The following RPA3 variants were observed in gnomAD, a reference collection of about 807,000 sequenced individuals.
The protein encoded by RPA3 is replication protein A 14 kDa subunit.
A neutral mutation model predicts 13.7 loss-of-function variants in RPA3; 24 were observed. The ratio of observed to expected loss-of-function variants is 1.75; its 90% CI spans 1.27 to 2.46. The LOEUF (loss-of-function observed/expected upper bound fraction) is 2.46, where lower values mean the gene tolerates loss of function less well. Among genes scored for constraint, RPA3 ranks in the 30% most tolerant of loss-of-function variants. RPA3 has a pLI of 0.00. For missense variants in RPA3, 183 were observed against 151.0 expected (o/e 1.21, Z -1.11); for synonymous variants, 59 against 51.2 (o/e 1.15, Z -0.65).
At chr7:7,659,148 A>T (rs570730526) in intron 4 of RPA3, among the ~76,000 whole-genome samples, 39 of 152,124 alleles carry the variant, frequency 2.6e-4, no homozygotes, top group African/African-American at 8.7e-4. Flanking sequence ...ATCAATGGTG[A>T]TATCCCCTTT....
chr7:7,707,794 T>C (rs1323058452), intron 2 of RPA3, among the ~76,000 whole-genome samples: 1 of 152,218 alleles, frequency 6.6e-6, no homozygotes, highest in Non-Finnish European at 1.5e-5. Flanking sequence ...TGTCATTAAC[T>C]TGAAATATAA....
At chr7:7,712,332 C>G (rs1177553529) in intron 2 of RPA3, among the ~76,000 whole-genome samples, 1 of 152,026 alleles carries the variant, frequency 6.6e-6, no homozygotes, top group Non-Finnish European at 1.5e-5. Context: ...AATATTTAGT[C>G]TTCTTCAGAA....
chr7:7,680,881 A>T (rs1350481764), intron 4 of RPA3, among the ~76,000 whole-genome samples: 1 of 151,918 alleles, frequency 6.6e-6, no homozygotes, highest in Non-Finnish European at 1.5e-5. Flanking sequence ...TGATTTTTGT[A>T]TGTTGATTTT....
intron 2 of RPA3, among the ~76,000 whole-genome samples, chr7:7,695,991 T>G (rs902132437): frequency 6.6e-6 from 1 of 151,626 alleles, no homozygotes; most frequent in African/African-American, 2.4e-5. Flanking sequence ...GTTTTTTTTT[T>G]TTTTTTCTGA....
At chr7:7,696,840 C>CTT (rs113254851) in intron 2 of RPA3, among the ~76,000 whole-genome samples, 2 of 146,856 alleles carry the variant, frequency 1.4e-5, no homozygotes, top group African/African-American at 5.0e-5. Flanking sequence ...CTTTCTTCTT[C>CTT]TTTTTTTTTT....
intron 2 of RPA3, among the ~76,000 whole-genome samples, chr7:7,698,307 A>C (rs1308408489): frequency 6.6e-6 from 1 of 152,234 alleles, no homozygotes; most frequent in African/African-American, 2.4e-5. Context: ...TAACTAGAGA[A>C]AATTTTTTTA....
intron 4 of RPA3, among the ~76,000 whole-genome samples, chr7:7,672,075 T>G (rs1479207625): frequency 6.6e-6 from 1 of 152,214 alleles, no homozygotes; most frequent in Non-Finnish European, 1.5e-5. Flanking sequence ...CAGTATAATT[T>G]TCAGTTGCTA....
chr7:7,700,888 TA>T (rs368562172), intron 2 of RPA3, among the ~76,000 whole-genome samples: 3,758 of 148,454 alleles, frequency 0.025, 164 homozygotes, highest in African/African-American at 0.089. Flanking sequence ...GACTCCATCT[TA>T]AAAAAAAACA....
At chr7:7,646,707 T>C (rs577708408) in intron 4 of RPA3, among the ~76,000 whole-genome samples, 1 of 151,850 alleles carries the variant, frequency 6.6e-6, no homozygotes, top group African/African-American at 2.4e-5. Flanking sequence ...GGGAAGATGA[T>C]CTTCCCTTGG....
chr7:7,673,000 G>C (rs1779645353), intron 4 of RPA3, among the ~76,000 whole-genome samples: 1 of 152,194 alleles, frequency 6.6e-6, no homozygotes, highest in African/African-American at 2.4e-5. Flanking sequence ...TGGTTAGCAA[G>C]ATCCTTCCAG....
chr7:7,714,872 T>C (rs6971629), intron 2 of RPA3, among the ~76,000 whole-genome samples: 105 of 149,430 alleles, frequency 7.0e-4, no homozygotes, highest in African/African-American at 2.5e-3. Context: ...TTTTTTTTTT[T>C]AGTTGATAGT....
At position 7,649,351 on chromosome 7, in the gene RPA3, G is replaced by A. The variant is rs564219491; in HGVS notation, c.-757-8176C>T. 3.0e-4 allele frequency among the ~76,000 whole-genome samples: 45 copies of A among 151,956 alleles called. No individual in the cohort carries two copies. The South Asian group carries it at 9.3e-3, about 32-fold the overall frequency. On this transcript the variant is annotated intron_variant, in intron 4 of 7. Coordinates refer to ENST00000223129, the MANE Select transcript of RPA3 (RefSeq NM_002947.5). ...GGGACTAACTAATGCTTTTTTTCAG[G>A]AAACTACTCCCCCAATAACTTAACC...
intron 4 of RPA3, among the ~76,000 whole-genome samples, chr7:7,670,725 C>T (rs1250064179): frequency 6.6e-6 from 1 of 152,192 alleles, no homozygotes. Context: ...GACAAGTAAT[C>T]TGCCCCTCCT....
chr7:7,717,064 T>TTTC (rs1395801604), intron 1 of RPA3, among the ~76,000 whole-genome samples: 4 of 146,688 alleles, frequency 2.7e-5, no homozygotes, highest in African/African-American at 1.1e-4. Flanking sequence ...TTTTTTCTTT[T>TTTC]TTTTTTTTTT....
intron 4 of RPA3, among the ~76,000 whole-genome samples, chr7:7,683,021 G>A (rs1203640439): frequency 1.3e-5 from 2 of 152,200 alleles, no homozygotes; most frequent in African/African-American, 2.4e-5. Context: ...GGCCATCCCC[G>A]TGTGGGGTAC....
intron 2 of RPA3, among the ~76,000 whole-genome samples, chr7:7,691,331 T>C (rs1250099366): frequency 6.6e-6 from 1 of 152,228 alleles, no homozygotes; most frequent in African/African-American, 2.4e-5. Context: ...TCTTTAGATA[T>C]TTGTAGTCGT....
chr7:7,637,872 T>C lies in RPA3; in HGVS notation c.275A>G (p.His92Arg). Residue 92 changes from histidine (H) to arginine (R), a missense_variant, in exon 7 of 8, where the codon CAT becomes CGT. By Grantham distance (29) the His-to-Arg change is conservative. Coordinates refer to ENST00000223129, the MANE Select transcript of RPA3 (RefSeq NM_002947.5). ...TSYVQFKEDS[H>R]PFDLGLYNEA... ...TAGAATGCTTTATTTACCAAAAGGA[T>C]GGCTATCTTCTTTAAACTGGACATA... 1 of 1,611,730 alleles carries C rather than the reference T, an allele frequency of 6.2e-7. No homozygotes were observed. The highest frequency in any genetic ancestry group is 8.5e-7 in the Non-Finnish European group (1 of 1,178,440).
At chr7:7,665,592 T>A (rs1032133663) in intron 4 of RPA3, among the ~76,000 whole-genome samples, 1 of 152,216 alleles carries the variant, frequency 6.6e-6, no homozygotes, top group African/African-American at 2.4e-5. Flanking sequence ...TGTGTGCTTA[T>A]ACTGCTGAAA....
chr7:7,647,647 G>T (rs1180176499), intron 4 of RPA3, among the ~76,000 whole-genome samples: 1 of 152,152 alleles, frequency 6.6e-6, no homozygotes, highest in Admixed American at 6.5e-5. Flanking sequence ...TTCCTCTGTT[G>T]CTGAGGCTGG....
Sources: gnomAD v4.1 joint callset for allele counts (sites outside exome capture counted in the v4.1 genomes callset) on GRCh38, gnomAD v4.1.1 for gene constraint, MANE v1.5 for transcripts, NCBI Gene and HGNC (gene_info 2026-07-23, HGNC 2026-07-21) for gene names.